Variants in SEMA6D observed in about 807,000 individuals in gnomAD.
The protein encoded by SEMA6D is semaphorin 6D.
In SEMA6D, 35 loss-of-function variants were observed where a neutral mutation model predicts 106.6. The ratio of observed to expected loss-of-function variants is 0.33; its 90% CI spans 0.25 to 0.44. The LOEUF is 0.44. SEMA6D is among the 20% of genes least tolerant of loss of function. The pLI, the probability that SEMA6D is intolerant of heterozygous loss-of-function variation, is 1.00. For synonymous variants in SEMA6D, 499 were observed against 487.7 expected (o/e 1.02, Z -0.31); for missense variants, 1,185 against 1,345.9 (o/e 0.88, Z 1.87).
intron 3 of SEMA6D, among the ~76,000 whole-genome samples, chr15:47,481,725 A>G (rs2043158759): frequency 6.6e-6 from 1 of 152,184 alleles, no homozygotes; most frequent in African/African-American, 2.4e-5. Flanking sequence ...AGCATGGACT[A>G]TTTCCTTTTA....
chr15:47,731,694 A>G (rs1258521426), intron 1 of SEMA6D, among the ~76,000 whole-genome samples: 1 of 152,166 alleles, frequency 6.6e-6, no homozygotes, highest in Non-Finnish European at 1.5e-5. Context: ...TTGCCATTTG[A>G]TTTATTTTGT....
rs115355135 is a variant in SEMA6D, at chr15:47,611,536, T to A, written c.-55+10640T>A. Among the ~76,000 whole-genome samples the A allele has an allele frequency of 3.8e-3, 580 of 152,236 alleles. 7 individuals carry two copies. Among genetic ancestry groups the A allele is most frequent in the African/African-American group, 0.014 (566 of 41,554 alleles). Reference sequence around the variant, plus strand: ...GTACAAAGTACACAAAATATACTTATCATTAGGCTGACGTAATTACAGGGA... The same window carrying A: ...GTACAAAGTACACAAAATATACTTAACATTAGGCTGACGTAATTACAGGGA... On this transcript the variant is annotated intron_variant, in intron 4 of 19. Transcript: ENST00000558014.
intron 1 of SEMA6D, among the ~76,000 whole-genome samples, chr15:47,214,842 TAGAA>T (rs1196653089): frequency 1.3e-5 from 2 of 152,172 alleles, no homozygotes; most frequent in East Asian, 3.9e-4. Flanking sequence ...GAGTTTATTC[TAGAA>T]AATGGCAGAT....
intron 1 of SEMA6D, among the ~76,000 whole-genome samples, chr15:47,355,062 A>G (rs2038513910): frequency 1.3e-5 from 2 of 152,204 alleles, no homozygotes; most frequent in African/African-American, 2.4e-5. Context: ...TGGGGCACCA[A>G]ACTCTAAATT....
intron 1 of SEMA6D, among the ~76,000 whole-genome samples, chr15:47,199,978 G>A (rs1045077086): frequency 6.6e-6 from 1 of 152,054 alleles, no homozygotes; most frequent in African/African-American, 2.4e-5. Flanking sequence ...TCTTTGAGAG[G>A]CCAAGTAGCA....
intron 4 of SEMA6D, among the ~76,000 whole-genome samples, chr15:47,601,362 G>A (rs1001542732): frequency 6.6e-6 from 1 of 152,262 alleles, no homozygotes; most frequent in Admixed American, 6.5e-5. Context: ...GAGAGTATTA[G>A]CCAAGTTGTG....
intron 1 of SEMA6D, among the ~76,000 whole-genome samples, chr15:47,735,868 C>T (rs2080418187): frequency 6.6e-6 from 1 of 152,178 alleles, no homozygotes; most frequent in Non-Finnish European, 1.5e-5. Flanking sequence ...TAGTTGTACA[C>T]ATTTCATCAC....
chr15:47,665,680 T>C (rs924697007), intron 4 of SEMA6D, among the ~76,000 whole-genome samples: 1 of 152,136 alleles, frequency 6.6e-6, no homozygotes, highest in South Asian at 2.1e-4. Context: ...CATGGTGACA[T>C]GTGCCTGTAA....
intron 1 of SEMA6D, among the ~76,000 whole-genome samples, chr15:47,401,241 T>C (rs904282670): frequency 3.9e-5 from 6 of 152,230 alleles, no homozygotes; most frequent in Non-Finnish European, 8.8e-5. Context: ...TTTATTTTAC[T>C]CCTCAAACCT....
chr15:47,484,600 A>G (rs113759841), intron 3 of SEMA6D, among the ~76,000 whole-genome samples: 366 of 152,280 alleles, frequency 2.4e-3, no homozygotes, highest in African/African-American at 8.6e-3. Context: ...TATTATTACC[A>G]GTTAGTTCAT....
chr15:47,600,713 A>G (rs970151241), intron 3 of SEMA6D, among the ~76,000 whole-genome samples: 1 of 152,200 alleles, frequency 6.6e-6, no homozygotes, highest in Non-Finnish European at 1.5e-5. Context: ...AGCCATTATT[A>G]CTTTAAGCAA....
At chr15:47,508,667 A>G (rs1490584113) in intron 3 of SEMA6D, among the ~76,000 whole-genome samples, 1 of 152,236 alleles carries the variant, frequency 6.6e-6, no homozygotes, top group Non-Finnish European at 1.5e-5. Flanking sequence ...ACAAATCAGG[A>G]CTTTATTTTT....
In SEMA6D at chr15:47,574,610, A is replaced by G. The variant is rs886807427; in HGVS notation, c.-86-26255A>G. 6.6e-5 allele frequency among the ~76,000 whole-genome samples: 10 copies of G among 152,360 alleles called. No homozygotes were observed. In the South Asian group the frequency reaches 1.4e-3, roughly 22 times the overall value. On this transcript the variant is annotated intron_variant, in intron 3 of 19. Transcript: ENST00000558014. ...ATTCATGACAAAACAAGGCATTTCT[A>G]AAGAACAGTTATCTTTTGAGACCAA... is the stretch of plus-strand genomic sequence containing the variant.
At chr15:47,590,871 A>T (rs1331725461) in intron 3 of SEMA6D, among the ~76,000 whole-genome samples, 1 of 152,212 alleles carries the variant, frequency 6.6e-6, no homozygotes, top group African/African-American at 2.4e-5. Flanking sequence ...GTGAGGAAAT[A>T]AATTTTTTCT....
chr15:47,705,260 G>A (rs1234584120), intron 4 of SEMA6D, among the ~76,000 whole-genome samples: 2 of 152,146 alleles, frequency 1.3e-5, no homozygotes, highest in Admixed American at 1.3e-4. Flanking sequence ...ACCCCCAAGT[G>A]ATTCTGATAT....
intron 3 of SEMA6D, among the ~76,000 whole-genome samples, chr15:47,492,171 A>G (rs867500074): frequency 5.3e-5 from 8 of 152,220 alleles, no homozygotes; most frequent in Non-Finnish European, 1.0e-4. Context: ...ACAAATGTTC[A>G]GTTCAAATGC....
chr15:47,736,400 T>C (rs1301731247), intron 1 of SEMA6D, among the ~76,000 whole-genome samples: 1 of 152,220 alleles, frequency 6.6e-6, no homozygotes, highest in Admixed American at 6.5e-5. Context: ...AAATGCTCAA[T>C]GTGACCAAAT....
chr15:47,585,749 TAAGTA>T, intron 3 of SEMA6D, among the ~76,000 whole-genome samples: 1 of 142,854 alleles, frequency 7.0e-6, no homozygotes, highest in African/African-American at 2.4e-5. Flanking sequence ...TGCACTGGGC[TAAGTA>T]ATTTTTTAAA....
intron 1 of SEMA6D, among the ~76,000 whole-genome samples, chr15:47,251,919 T>TGGGA (rs1566951928): frequency 7.4e-6 from 1 of 134,626 alleles, no homozygotes; most frequent in Non-Finnish European, 1.6e-5. Context: ...TTTTTTTTTT[T>TGGGA]TTTTTTTTTT....
Sources: allele counts gnomAD v4.1 joint callset (sites outside exome capture counted in the v4.1 genomes callset), GRCh38; gene constraint gnomAD v4.1.1; transcripts MANE v1.5; gene names NCBI Gene and HGNC (gene_info 2026-07-23, HGNC 2026-07-21).